CERKL: variants seen among roughly 807,000 people sequenced by gnomAD.
CERKL encodes CERK like autophagy regulator, also known as ceramide kinase-like protein.
A neutral mutation model predicts 63.4 loss-of-function variants in CERKL; 61 were observed. That is an observed-to-expected ratio of 0.96 (90% confidence interval 0.78 to 1.19). The LOEUF (loss-of-function observed/expected upper bound fraction) is 1.19, where lower values mean the gene tolerates loss of function less well. Ranked by LOEUF, CERKL falls within the 50% of genes most tolerant of loss-of-function variation. The probability of loss-of-function intolerance (pLI) is 0.00; values close to 1 mark genes in which losing one functional copy is unlikely to be tolerated. For synonymous variants in CERKL, 250 were observed against 230.5 expected (o/e 1.08, Z -0.77); for missense variants, 675 against 655.5 (o/e 1.03, Z -0.33).
At position 181,656,757 on chromosome 2, in the gene CERKL, C is replaced by A; in HGVS notation, c.238+12G>T. ...CGGAGGGAGGCGAAGACGCTTGGGG[C>A]CGGGCACTCACCCGCCGGGCGCTCG... is the stretch of plus-strand genomic sequence containing the variant. On this transcript the variant is annotated intron_variant, in intron 1 of 12. Coordinates refer to ENST00000410087, the MANE Select transcript of CERKL (RefSeq NM_201548.5). 1 of 1,583,780 alleles carries A rather than the reference C, an allele frequency of 6.3e-7. No homozygotes were observed. Among genetic ancestry groups the A allele is most frequent in the Non-Finnish European group, 8.6e-7 (1 of 1,165,526 alleles).
chr2:181,597,450 A>C (rs1685266094), intron 2 of CERKL, among the ~76,000 whole-genome samples: 1 of 152,198 alleles, frequency 6.6e-6, no homozygotes. Flanking sequence ...TGTCAAATGG[A>C]CAAGTTTCTA....
chr2:181,595,987 A>T (rs10445770), intron 2 of CERKL, among the ~76,000 whole-genome samples: 7 of 152,002 alleles, frequency 4.6e-5, no homozygotes, highest in Admixed American at 2.6e-4. Flanking sequence ...ACTTTAGTAA[A>T]GGAAGACATG....
rs772304991 is a variant in CERKL at position 181,566,126 on chromosome 2, TA to T, written c.614-6del. 8 of 1,607,476 alleles carry T rather than the reference TA, an allele frequency of 5.0e-6. No individual in the cohort carries two copies. The highest frequency in any genetic ancestry group is 1.7e-4 in the Middle Eastern group (1 of 6,054). On this transcript the variant is annotated splice_region_variant and splice_polypyrimidine_tract_variant and intron_variant, in intron 3 of 12. Transcript: ENST00000410087. ...CGTGCCCTTCATATTCCATTACTAT[TA>T]AAAAAACACACACACATACACAAAG...
At position 181,539,187 on chromosome 2, in the gene CERKL, A is replaced by C; in HGVS notation, c.1443T>G (p.Asn481Lys). Residue 481 changes from asparagine to lysine, a missense_variant, in exon 12 of 13, where the codon AAT (asparagine) becomes AAG (lysine). Asn to Lys is a moderately conservative substitution (Grantham distance 94). Transcript: ENST00000410087. Reference sequence around the variant, plus strand: ...CAGTTTCATCCTCCTCCTCCTCTGGATTATATCCACCAGTATTATTCCTTG... The same window carrying C: ...CAGTTTCATCCTCCTCCTCCTCTGGCTTATATCCACCAGTATTATTCCTTG... ...VHPRNNTGGY[N>K]PEEEEDETAS... The C allele has an allele frequency of 6.2e-7, 1 of 1,605,568 alleles. No individual in the cohort carries two copies. Among genetic ancestry groups the C allele is most frequent in the Non-Finnish European group, 8.5e-7 (1 of 1,172,478 alleles).
Position 181,631,752 on chromosome 2 carries a change from C to T in CERKL, c.238+25017G>A, listed in dbSNP as rs936219580. On this transcript the variant is annotated intron_variant, in intron 1 of 12. Transcript: ENST00000410087. ...CAAGGCCCAAACATGACTTAAGAGT[C>T]TCAGAAAAGGGCTCTCGAGTATGGA... Among the ~76,000 whole-genome samples, 13 of 152,284 alleles carry T rather than the reference C, an allele frequency of 8.5e-5. No individual in the cohort carries two copies. The East Asian group carries it at 9.6e-4, about 11-fold the overall frequency.
At chr2:181,651,794 T>C (rs887121499) in intron 1 of CERKL, among the ~76,000 whole-genome samples, 1 of 151,994 alleles carries the variant, frequency 6.6e-6, no homozygotes, top group Non-Finnish European at 1.5e-5. Flanking sequence ...AAAAGAACTG[T>C]TAGAATTCAG....
At chr2:181,591,463 A>T in intron 2 of CERKL, among the ~76,000 whole-genome samples, 1 of 152,210 alleles carries the variant, frequency 6.6e-6, no homozygotes, top group Non-Finnish European at 1.5e-5. Context: ...GAAAGGTGGA[A>T]AAAGCTAACC....
intron 1 of CERKL, among the ~76,000 whole-genome samples, chr2:181,647,973 C>T (rs1013357097): frequency 5.9e-5 from 9 of 151,722 alleles, no homozygotes; most frequent in African/African-American, 9.7e-5. Flanking sequence ...TAGACCAGAT[C>T]AAGCAGAAGA....
rs1687246039 is a variant in CERKL, at chr2:181,537,856, T to G, written c.*328A>C. On this transcript the variant is annotated 3_prime_UTR_variant, in exon 13 of 13. Coordinates refer to ENST00000410087, the MANE Select transcript of CERKL (RefSeq NM_201548.5). ...CATCAATTTCTATTAGGATATCCGT[T>G]TGGCCACACAGCAGGAGGTTAGAGC... 3 of 513,042 alleles carry G rather than the reference T, an allele frequency of 5.8e-6. No homozygotes were observed. Among genetic ancestry groups the G allele is most frequent in the Non-Finnish European group, 7.5e-6 (2 of 265,714 alleles). The allele number at this position is 513,042 out of a possible 1,614,324, so 31.8% of individuals were successfully genotyped here. A position where few individuals can be genotyped will look rare whatever the true frequency, so the allele number is the denominator to read the frequency against.
intron 1 of CERKL, among the ~76,000 whole-genome samples, chr2:181,604,909 T>C (rs776022959): frequency 2.6e-5 from 4 of 152,078 alleles, no homozygotes; most frequent in Non-Finnish European, 5.9e-5. Context: ...CTTTAAACCA[T>C]AGGTCAGAAA....
chr2:181,656,705 C>G, intron 1 of CERKL, 64 bp downstream of exon 1: 1 of 1,357,826 alleles, frequency 7.4e-7, no homozygotes, highest in Non-Finnish European at 1.0e-6. Flanking sequence ...TGGGTGTAGG[C>G]CTTGGGCCGG....
chr2:181,631,410 C>T (rs1437367624), intron 1 of CERKL, among the ~76,000 whole-genome samples: 2 of 152,108 alleles, frequency 1.3e-5, no homozygotes, highest in African/African-American at 4.8e-5. Context: ...AGTGGAGAAA[C>T]AGGCACACTG....
intron 1 of CERKL, among the ~76,000 whole-genome samples, chr2:181,606,892 C>T (rs1446758803): frequency 6.6e-6 from 1 of 152,138 alleles, no homozygotes; most frequent in Non-Finnish European, 1.5e-5. Flanking sequence ...TGTCCTGTCC[C>T]GGTCAGTAAA....
chr2:181,603,810 T>C (rs1254422179), intron 2 of CERKL, 27 bp downstream of exon 2: 1 of 1,611,572 alleles, frequency 6.2e-7, no homozygotes, highest in East Asian at 2.2e-5. Flanking sequence ...ACTGGGCTGA[T>C]TAAAATTTCC....
chr2:181,633,669 T>C (rs1687059902), intron 1 of CERKL, among the ~76,000 whole-genome samples: 1 of 152,282 alleles, frequency 6.6e-6, no homozygotes, highest in African/African-American at 2.4e-5. Flanking sequence ...AGAGAAAGCG[T>C]CGGGCAATGG....
chr2:181,540,530 TATGAG>T (rs1687456105), intron 11 of CERKL, among the ~76,000 whole-genome samples: 3 of 152,068 alleles, frequency 2.0e-5, no homozygotes, highest in Admixed American at 2.0e-4. Context: ...CTGATGTCCT[TATGAG>T]AGAAGAATGC....
At chr2:181,605,759 T>G (rs1407219470) in intron 1 of CERKL, among the ~76,000 whole-genome samples, 1 of 151,828 alleles carries the variant, frequency 6.6e-6, no homozygotes, top group Non-Finnish European at 1.5e-5. Flanking sequence ...TGAACCAAAA[T>G]AGGAGAAAAA....
chr2:181,604,093 A>G lies in CERKL; in HGVS notation c.239-14T>C, dbSNP rs762959322. The G allele has an allele frequency of 6.3e-7, 1 of 1,574,812 alleles. No individual in the cohort carries two copies. Among genetic ancestry groups the G allele is most frequent in the Non-Finnish European group, 8.7e-7 (1 of 1,149,008 alleles). On this transcript the variant is annotated splice_polypyrimidine_tract_variant and intron_variant, in intron 1 of 12. Transcript: ENST00000410087. ...ACTTAGAATCACCTGAAAAAAAAATAAATTTTCCAATTAAAACCATTGTGT... is the reference window on the plus strand; with the variant it reads ...ACTTAGAATCACCTGAAAAAAAAATGAATTTTCCAATTAAAACCATTGTGT...
At chr2:181,544,873 T>TATAC in intron 10 of CERKL, 77 bp from the exon 11 acceptor site, 1 of 785,998 alleles carries the variant, frequency 1.3e-6, no homozygotes, top group Admixed American at 2.2e-5. Flanking sequence ...TACTGTTCCT[T>TATAC]ATAACAAGTA....
Sources: allele counts gnomAD v4.1 joint callset (sites outside exome capture counted in the v4.1 genomes callset), GRCh38; gene constraint gnomAD v4.1.1; transcripts MANE v1.5; gene names NCBI Gene and HGNC (gene_info 2026-07-23, HGNC 2026-07-21).